Variants in SGK1 observed in about 807,000 individuals in gnomAD.
SGK1 encodes the protein serine/threonine-protein kinase Sgk1.
In SGK1, 26 loss-of-function variants were observed where a neutral mutation model predicts 64.2. The observed-to-expected ratio is 0.40, with a 90% confidence interval of 0.30 to 0.56. The LOEUF is 0.56. Ranked by LOEUF, SGK1 falls within the 20% of genes least tolerant of loss-of-function variation. The pLI is 0.38. For missense variants in SGK1, 519 were observed against 645.6 expected, an observed-to-expected ratio of 0.80 and a Z score of 2.12; for synonymous variants, 265 against 239.7, an observed-to-expected ratio of 1.11 and a Z score of -0.98.
intron 2 of SGK1, among the ~76,000 whole-genome samples, chr6:134,233,661 A>G (rs1776323074): frequency 6.6e-6 from 1 of 152,232 alleles, no homozygotes; most frequent in Admixed American, 6.5e-5. Flanking sequence ...TGCTTTCCAA[A>G]AAGAAAAAGA....
chr6:134,183,231 T>C (rs1370498729), intron 3 of SGK1, among the ~76,000 whole-genome samples: 2 of 152,228 alleles, frequency 1.3e-5, no homozygotes, highest in African/African-American at 4.8e-5. Flanking sequence ...GAAACATGTA[T>C]ACAATGTGTA....
chr6:134,280,601 C>T lies in SGK1; in HGVS notation c.70-18453G>A, dbSNP rs918282768. Reference sequence around the variant, plus strand: ...CCAATTTAGCTTCTTCATTTGTGTTCCTCCCTAGATTGTAAATTCTTTATG... The same window carrying T: ...CCAATTTAGCTTCTTCATTTGTGTTTCTCCCTAGATTGTAAATTCTTTATG... On this transcript the variant is annotated intron_variant, in intron 1 of 13. Coordinates refer to ENST00000367858, the MANE Select transcript of SGK1 (RefSeq NM_001143676.3). Among the ~76,000 whole-genome samples the T allele has an allele frequency of 2.0e-5, 3 of 152,226 alleles. No individual in the cohort carries two copies. In the East Asian group the frequency reaches 5.8e-4, roughly 29 times the overall value.
chr6:134,242,418 G>A (rs113601993), intron 2 of SGK1, among the ~76,000 whole-genome samples: 15,122 of 151,954 alleles, frequency 0.1, 906 homozygotes, highest in African/African-American at 0.16. Flanking sequence ...CCTGGGAGGC[G>A]GAGGTTGCAG....
intron 2 of SGK1, among the ~76,000 whole-genome samples, chr6:134,222,936 T>C (rs1240737435): frequency 1.3e-5 from 2 of 152,164 alleles, no homozygotes; most frequent in Admixed American, 1.3e-4. Flanking sequence ...TATCAATGTA[T>C]TTTCAAGCTC....
chr6:134,287,131 C>A lies in SGK1; in HGVS notation c.70-24983G>T, dbSNP rs554683691. 7.2e-5 allele frequency among the ~76,000 whole-genome samples: 11 copies of A among 152,194 alleles called. No homozygotes were observed. The South Asian group carries it at 1.5e-3, about 20-fold the overall frequency. On this transcript the variant is annotated intron_variant, in intron 1 of 13. Transcript: ENST00000367858. ...GGACTTCAGGCACATGTCACCATGC[C>A]CAGCTAATTTTTGTGTTTTTGGTAG...
At chr6:134,228,838 GTTCTTTTTTTTTT>G (rs1007844032) in intron 2 of SGK1, among the ~76,000 whole-genome samples, 13 of 124,898 alleles carry the variant, frequency 1.0e-4, no homozygotes, top group African/African-American at 4.5e-4. Flanking sequence ...TCTTGTAGTT[GTTCTTTTTTTTTT>G]TTTTTTTTTT....
intron 1 of SGK1, among the ~76,000 whole-genome samples, chr6:134,290,382 A>G (rs1356183164): frequency 6.7e-6 from 1 of 149,728 alleles, no homozygotes; most frequent in Non-Finnish European, 1.5e-5. Context: ...GCCTACTCCC[A>G]CTCTGTGGAG....
chr6:134,213,415 G>A (rs1775923648), intron 2 of SGK1, among the ~76,000 whole-genome samples: 1 of 151,814 alleles, frequency 6.6e-6, no homozygotes, highest in Non-Finnish European at 1.5e-5. Context: ...TAGCTACTCT[G>A]AAGGCTGAGG....
In SGK1 at chr6:134,250,413, G is replaced by C. The variant is rs891478281; in HGVS notation, c.285+11520C>G. ...TTCAAGAGATGATGTCACACAAATTGAGTTTTGCTTGAATCTTGCCTAAAA... is the reference window on the plus strand; with the variant it reads ...TTCAAGAGATGATGTCACACAAATTCAGTTTTGCTTGAATCTTGCCTAAAA... On this transcript the variant is annotated intron_variant, in intron 2 of 13. Transcript: ENST00000367858. Among the ~76,000 whole-genome samples, 40 of 152,186 alleles carry C rather than the reference G, an allele frequency of 2.6e-4. 1 individual carries two copies. The highest frequency in any genetic ancestry group is 8.9e-4 in the African/African-American group (37 of 41,456).
chr6:134,189,438 G>A (rs894300210), intron 3 of SGK1, among the ~76,000 whole-genome samples: 1 of 152,070 alleles, frequency 6.6e-6, no homozygotes, highest in Admixed American at 6.6e-5. Flanking sequence ...CATAATGTCT[G>A]ACCTTATAAA....
At chr6:134,269,190 T>C (rs1053139292) in intron 1 of SGK1, among the ~76,000 whole-genome samples, 1 of 147,694 alleles carries the variant, frequency 6.8e-6, no homozygotes, top group Non-Finnish European at 1.5e-5. Flanking sequence ...CCTACTCTCA[T>C]TGGCCCCCGT....
At position 134,172,541 on chromosome 6, in the gene SGK1, G is replaced by A. The variant is rs1036222078; in HGVS notation, c.947+121C>T. 8 of 801,264 alleles carry A rather than the reference G, an allele frequency of 1.0e-5. No homozygotes were observed. In the African/African-American group the frequency reaches 1.4e-4, roughly 14 times the overall value. 49.6% of individuals were successfully genotyped at this position (801,264 alleles called of 1,614,324 possible). A position where few individuals can be genotyped will look rare whatever the true frequency, so the allele number is the denominator to read the frequency against. ...AAGTCAAGCCAGCTCACGTGCTAGG[G>A]GATCTGGTTTTAGGCAACCAAGTTG... On this transcript the variant is annotated intron_variant, in intron 9 of 13. Transcript: ENST00000367858.
At position 134,206,665 on chromosome 6, in the gene SGK1, G is replaced by A. The variant is rs185632257; in HGVS notation, c.361+691C>T. Among the ~76,000 whole-genome samples, 487 of 151,122 alleles carry A rather than the reference G, an allele frequency of 3.2e-3. 8 individuals are homozygous for A. The highest frequency in any genetic ancestry group is 0.011 in the African/African-American group (472 of 41,256). ...GCAGATTGCCTGAGGTCAGGAGTTCGAGACCAGCCTGGCTAACATGGTGAA... is the reference window on the plus strand; with the variant it reads ...GCAGATTGCCTGAGGTCAGGAGTTCAAGACCAGCCTGGCTAACATGGTGAA... On this transcript the variant is annotated intron_variant, in intron 3 of 13. Coordinates refer to ENST00000367858, the MANE Select transcript of SGK1 (RefSeq NM_001143676.3).
chr6:134,206,633 G>A (rs181559700), intron 3 of SGK1, among the ~76,000 whole-genome samples: 12 of 151,286 alleles, frequency 7.9e-5, no homozygotes, highest in South Asian at 2.1e-4. Flanking sequence ...TTGGGAAGCC[G>A]AGCTCAGCAG....
chr6:134,228,892 G>A (rs952261009), intron 2 of SGK1, among the ~76,000 whole-genome samples: 1 of 149,358 alleles, frequency 6.7e-6, no homozygotes, highest in Non-Finnish European at 1.5e-5. Flanking sequence ...CACCCAGGTG[G>A]GACTGCAGTG....
At chr6:134,175,515 C>G (rs1040103592) in intron 3 of SGK1, 2 of 1,460,494 alleles carry the variant, frequency 1.4e-6, no homozygotes, top group African/African-American at 1.5e-5. Context: ...GTGAGCCAAG[C>G]CCCCAGCGGG....
rs1774964419 is a variant in SGK1 at position 134,170,142 on chromosome 6, G to A, written c.*126C>T. On this transcript the variant is annotated 3_prime_UTR_variant, in exon 14 of 14. Coordinates refer to ENST00000367858, the MANE Select transcript of SGK1 (RefSeq NM_001143676.3). ...CCAGCGAACAGTGTGCAATAAGATT[G>A]CTAAGCTTCCAGAGATGTGCAAATT... 1.3e-6 allele frequency: 1 copy of A among 755,544 alleles called. No individual in the cohort carries two copies. The highest frequency in any genetic ancestry group is 2.7e-5 in the Admixed American group (1 of 37,642). The allele number at this position is 755,544 out of a possible 1,614,324, so 46.8% of individuals were successfully genotyped here.
chr6:134,190,483 G>A (rs924081804), intron 3 of SGK1, among the ~76,000 whole-genome samples: 6 of 151,852 alleles, frequency 4.0e-5, no homozygotes, highest in Admixed American at 1.3e-4. Flanking sequence ...ACAGGGTTTC[G>A]CCATATTGGC....
intron 1 of SGK1, among the ~76,000 whole-genome samples, chr6:134,292,185 T>C (rs1301937876): frequency 6.6e-6 from 1 of 152,210 alleles, no homozygotes; most frequent in East Asian, 1.9e-4. Flanking sequence ...TGCCATTTTA[T>C]AGACAAAGAA....
Sources: gnomAD v4.1 joint callset for allele counts (sites outside exome capture counted in the v4.1 genomes callset) on GRCh38, gnomAD v4.1.1 for gene constraint, MANE v1.5 for transcripts, NCBI Gene and HGNC (gene_info 2026-07-23, HGNC 2026-07-21) for gene names.